MYO3B: variants seen among roughly 807,000 people sequenced by gnomAD.
MYO3B encodes the protein myosin-IIIb.
MYO3B carries 156 observed loss-of-function variants against 174.6 expected under a neutral mutation model. The observed-to-expected ratio is 0.89, with a 90% CI of 0.78 to 1.02. The LOEUF is 1.02. Ranked by LOEUF, MYO3B falls within the 50% of genes least tolerant of loss-of-function variation. The pLI is 0.00. For synonymous variants in MYO3B, 563 were observed against 569.1 expected (o/e 0.99, Z 0.15); for missense variants, 1,632 against 1,639.4 (o/e 1.00, Z 0.08).
chr2:170,473,425 C>T (rs1040718698), intron 25 of MYO3B, among the ~76,000 whole-genome samples: 5 of 151,992 alleles, frequency 3.3e-5, no homozygotes, highest in African/African-American at 7.2e-5. Context: ...GGATTACAGG[C>T]GTGAGCCACT....
chr2:170,601,648 C>A, intron 32 of MYO3B: 1 of 1,334,392 alleles, frequency 7.5e-7, no homozygotes, highest in Non-Finnish European at 1.1e-6. Flanking sequence ...TCCTCATAAT[C>A]CTCTTCATCT....
intron 23 of MYO3B, among the ~76,000 whole-genome samples, chr2:170,446,492 A>G (rs901377177): frequency 2.0e-5 from 3 of 152,138 alleles, no homozygotes; most frequent in Admixed American, 6.5e-5. Context: ...TGTGGCATAT[A>G]TTTACGTTAT....
intron 30 of MYO3B, among the ~76,000 whole-genome samples, chr2:170,539,867 C>T (rs1259492361): frequency 6.6e-6 from 1 of 152,076 alleles, no homozygotes; most frequent in South Asian, 2.1e-4. Flanking sequence ...AACATTCCAC[C>T]TGCCTCAACC....
intron 30 of MYO3B, among the ~76,000 whole-genome samples, chr2:170,524,299 C>T (rs567910999): frequency 1.3e-5 from 2 of 152,230 alleles, no homozygotes; most frequent in South Asian, 4.1e-4. Context: ...GAGACCAGTG[C>T]TGGATTGGTT....
chr2:170,624,507 G>T (rs1033962586), intron 32 of MYO3B, among the ~76,000 whole-genome samples: 2 of 152,202 alleles, frequency 1.3e-5, no homozygotes, highest in East Asian at 3.8e-4. Flanking sequence ...CATGTCATCT[G>T]CAAACAGGGA....
At chr2:170,361,486 T>C (rs550780011) in intron 8 of MYO3B, among the ~76,000 whole-genome samples, 1 of 152,326 alleles carries the variant, frequency 6.6e-6, no homozygotes, top group Non-Finnish European at 1.5e-5. Flanking sequence ...AAAATTGACA[T>C]CTTCTTGGCT....
At chr2:170,447,328 T>A (rs1378378505) in intron 23 of MYO3B, among the ~76,000 whole-genome samples, 1 of 152,210 alleles carries the variant, frequency 6.6e-6, no homozygotes, top group African/African-American at 2.4e-5. Context: ...GTTTTTTTTC[T>A]TCTTCTTAAG....
intron 14 of MYO3B, among the ~76,000 whole-genome samples, chr2:170,390,659 AG>A (rs907645000): frequency 6.6e-6 from 1 of 152,194 alleles, no homozygotes; most frequent in African/African-American, 2.4e-5. Context: ...ACCAAAGAAA[AG>A]ATTTGCCAAA....
intron 32 of MYO3B, among the ~76,000 whole-genome samples, chr2:170,564,310 T>A (rs1171943117): frequency 1.3e-5 from 2 of 152,046 alleles, no homozygotes; most frequent in Non-Finnish European, 2.9e-5. Context: ...CCATCTCTAC[T>A]AAAAATACAA....
intron 32 of MYO3B, among the ~76,000 whole-genome samples, chr2:170,558,335 A>G (rs1299501969): frequency 1.3e-5 from 2 of 151,700 alleles, no homozygotes; most frequent in African/African-American, 2.4e-5. Flanking sequence ...ACGAAAATGG[A>G]CAGTATAATA....
intron 22 of MYO3B, among the ~76,000 whole-genome samples, chr2:170,443,465 T>C (rs954418490): frequency 1.3e-5 from 2 of 152,224 alleles, no homozygotes; most frequent in African/African-American, 4.8e-5. Flanking sequence ...GATGGTAGTT[T>C]CTTTTGCTGT....
At chr2:170,400,428 T>C (rs2105792054) in intron 17 of MYO3B, 114 bp downstream of exon 17, 6 of 1,226,452 alleles carry the variant, frequency 4.9e-6, no homozygotes, top group Non-Finnish European at 6.7e-6. Flanking sequence ...TTTATCGAGA[T>C]GGAGTCTCAC....
chr2:170,649,555 G>A (rs183081317), intron 32 of MYO3B, among the ~76,000 whole-genome samples: 30 of 147,630 alleles, frequency 2.0e-4, no homozygotes, highest in Non-Finnish European at 3.0e-4. Flanking sequence ...AGCTGGGCAC[G>A]GTGGCTCATG....
At chr2:170,490,385 T>C (rs1017772382) in intron 25 of MYO3B, among the ~76,000 whole-genome samples, 1 of 152,254 alleles carries the variant, frequency 6.6e-6, no homozygotes, top group Non-Finnish European at 1.5e-5. Flanking sequence ...GATTTTTGTA[T>C]ATTGATCTTT....
intron 32 of MYO3B, chr2:170,643,734 G>C (rs1176128625): frequency 6.6e-6 from 1 of 152,224 alleles, no homozygotes; most frequent in Admixed American, 6.5e-5. Context: ...AGGACCACAG[G>C]AGGGTGCCAG....
At chr2:170,383,874 C>T (rs767127077) in intron 12 of MYO3B, 60 bp downstream of exon 12, 95 of 1,331,508 alleles carry the variant, frequency 7.1e-5, no homozygotes, top group African/African-American at 4.0e-4. Flanking sequence ...GTGTCTTCCT[C>T]GTCAACTCCT....
At chr2:170,507,462 C>T (rs1575091169) in intron 28 of MYO3B, among the ~76,000 whole-genome samples, 2 of 151,930 alleles carry the variant, frequency 1.3e-5, no homozygotes, top group African/African-American at 2.4e-5. Flanking sequence ...TGCAATGGTG[C>T]GTTCTTGGCT....
chr2:170,415,760 C>G (rs2094574858), intron 22 of MYO3B, among the ~76,000 whole-genome samples: 1 of 152,196 alleles, frequency 6.6e-6, no homozygotes, highest in African/African-American at 2.4e-5. Context: ...AAGATGCTCT[C>G]TACTTGTACG....
At chr2:170,445,748 C>T (rs919140642) in intron 23 of MYO3B, among the ~76,000 whole-genome samples, 1 of 152,116 alleles carries the variant, frequency 6.6e-6, no homozygotes, top group Non-Finnish European at 1.5e-5. Context: ...ATCCTTCCAC[C>T]TCAGCCTCCA....
Sources: allele counts gnomAD v4.1 joint callset (sites outside exome capture counted in the v4.1 genomes callset), GRCh38; gene constraint gnomAD v4.1.1; transcripts MANE v1.5; gene names NCBI Gene and HGNC (gene_info 2026-07-23, HGNC 2026-07-21).